The following CHD3 variants were observed in gnomAD, a reference collection of about 807,000 sequenced individuals.
CHD3 encodes chromodomain helicase DNA binding protein 3.
In CHD3, 52 loss-of-function variants were observed where a neutral mutation model predicts 248.9. The ratio of observed to expected loss-of-function variants is 0.21; its 90% CI spans 0.17 to 0.26. The LOEUF (loss-of-function observed/expected upper bound fraction) is 0.26. Among genes scored for constraint, CHD3 ranks in the 10% least tolerant of loss-of-function variants. The probability of loss-of-function intolerance (pLI) is 1.00; values close to 1 mark genes in which losing one functional copy is unlikely to be tolerated. For synonymous variants in CHD3, 985 were observed against 985.2 expected (o/e 1.00, Z 0.00); for missense variants, 1,482 against 2,605.8 (o/e 0.57, Z 9.39).
chr17:7,904,982 C>A lies in CHD3; in HGVS notation c.4073-118C>A. On this transcript the variant is annotated intron_variant, in intron 25 of 39. Transcript: ENST00000330494. This position sits in a 1 kb window ranked among gnomAD's most constrained non-coding sequence, Gnocchi z 4.4. The stretch of plus-strand genomic sequence containing the variant: ...CAGTGATCTGGTGTTCCCAGAAGGA[C>A]CAAGGCCAGAATAAAGGTAGACAAG... The A allele has an allele frequency of 1.1e-6, 1 of 947,384 alleles. No homozygotes were observed. Among genetic ancestry groups the A allele is most frequent in the South Asian group, 1.4e-5 (1 of 72,768 alleles). 58.7% of individuals were successfully genotyped at this position (947,384 alleles called of 1,614,324 possible). A position where few individuals can be genotyped will look rare whatever the true frequency, so the allele number is the denominator to read the frequency against.
chr17:7,906,465 G>T lies in CHD3; in HGVS notation c.4359-88G>T, dbSNP rs929879145. On this transcript the variant is annotated intron_variant, in intron 28 of 39. Coordinates refer to ENST00000330494, the MANE Select transcript of CHD3 (RefSeq NM_001005273.3). The surrounding 1 kb of genome is among the most constrained non-coding windows in gnomAD (Gnocchi z 5.0). ...AGCACCTGGGGATTTGGGGGTTTGG[G>T]GGTCCTCAGTCATCCTCGCGCCTCC... The T allele has an allele frequency of 2.8e-6, 4 of 1,423,088 alleles. No individual in the cohort carries two copies. The highest frequency in any genetic ancestry group is 2.9e-6 in the Non-Finnish European group (3 of 1,025,164). The allele number at this position is 1,423,088 out of a possible 1,614,324, so 88.2% of individuals were successfully genotyped here.
At position 7,900,234 on chromosome 17, in the gene CHD3, C is replaced by T. The variant is rs7224399; in HGVS notation, c.2683-56C>T. On this transcript the variant is annotated intron_variant, in intron 16 of 39. Transcript: ENST00000330494. This position sits in a 1 kb window ranked among gnomAD's most constrained non-coding sequence, Gnocchi z 6.5. ...GCAGGGAAAGGCTGATGCTGTGGGT[C>T]GGTCACTTGTCACTAATAAGCCCAT... The T allele has an allele frequency of 0.048, 77,405 of 1,608,074 alleles. 2,149 individuals are homozygous for T. Among genetic ancestry groups the T allele is most frequent in the Non-Finnish European group, 0.057 (67,638 of 1,176,526 alleles).
upstream of CHD3, chr17:7,888,771 G>A: frequency 1.4e-6 from 2 of 1,384,076 alleles, no homozygotes; most frequent in South Asian, 1.6e-5. Flanking sequence ...CATATGCTGG[G>A]TGTGTCTGTC....
Position 7,903,543 on chromosome 17 carries a change from G to A in CHD3, c.3727+40G>A. 1 of 1,520,604 alleles carries A rather than the reference G, an allele frequency of 6.6e-7. No individual in the cohort carries two copies. The highest frequency in any genetic ancestry group is 9.0e-7 in the Non-Finnish European group (1 of 1,108,758). 94.2% of individuals were successfully genotyped at this position (1,520,604 alleles called of 1,614,324 possible). The stretch of plus-strand genomic sequence containing the variant: ...TGCAGCTCTGTGAAAGCAGGCCCCT[G>A]CTCTCTCAGGAGTACTTATCAGCCC... On this transcript the variant is annotated intron_variant, in intron 23 of 39. Coordinates refer to ENST00000330494, the MANE Select transcript of CHD3 (RefSeq NM_001005273.3). The surrounding 1 kb of genome is among the most constrained non-coding windows in gnomAD (Gnocchi z 6.8).
rs1479069929 is a variant in CHD3 at position 7,900,196 on chromosome 17, A to G, written c.2683-94A>G. The G allele has an allele frequency of 1.3e-6, 2 of 1,543,004 alleles. No homozygotes were observed. The highest frequency in any genetic ancestry group is 1.7e-6 in the Non-Finnish European group (2 of 1,150,388). ...ATTTGGGGCCTCTGATCCTGAGTGA[A>G]ATGGGAGCTGGGGCAGGGAAAGGCT... On this transcript the variant is annotated intron_variant, in intron 16 of 39. Transcript: ENST00000330494. The surrounding 1 kb of genome is among the most constrained non-coding windows in gnomAD (Gnocchi z 6.5).
rs1229779886 is a variant in CHD3 at position 7,910,813 on chromosome 17, A to G, written c.5755-34A>G. The G allele has an allele frequency of 1.9e-6, 3 of 1,582,760 alleles. No homozygotes were observed. The highest frequency in any genetic ancestry group is 2.7e-5 in the African/African-American group (2 of 72,814). On this transcript the variant is annotated intron_variant, in intron 38 of 39. Transcript: ENST00000330494. This position sits in a 1 kb window ranked among gnomAD's most constrained non-coding sequence, Gnocchi z 4.7. The stretch of plus-strand genomic sequence containing the variant: ...GCTTCTTTCCTCTCACAGACTATGA[A>G]CTAACTCCAACTTCTGCTTCCTCTC...
In CHD3 at chr17:7,908,460, T is replaced by C; in HGVS notation, c.5211T>C (p.Asn1737=). 1 of 1,613,832 alleles carries C rather than the reference T, an allele frequency of 6.2e-7. No homozygotes were observed. The highest frequency in any genetic ancestry group is 8.5e-7 in the Non-Finnish European group (1 of 1,179,832). The change falls in exon 35 of 40, where the codon AAT becomes AAC. Residue 1737 remains asparagine (N), a synonymous_variant. Coordinates refer to ENST00000330494, the MANE Select transcript of CHD3 (RefSeq NM_001005273.3). The surrounding 1 kb of genome is among the most constrained non-coding windows in gnomAD (Gnocchi z 5.8). ...ERAAISSGKL[N]EIWHRRHDYW... is the part of the protein sequence containing the mutation. ...CAGCTATTTCCTCGGGGAAACTCAA[T>C]GAGATCTGGCACAGAAGACATGACT... is the stretch of plus-strand genomic sequence containing the variant.
At position 7,906,742 on chromosome 17, in the gene CHD3, T is replaced by C. The variant is rs536773765; in HGVS notation, c.4503+45T>C. ...CCAAAGAATCAAGCTGGCTGCCTAGTCTCTGTCCTTCCTCTGCCTCTGTCC... is the reference window on the plus strand; with the variant it reads ...CCAAAGAATCAAGCTGGCTGCCTAGCCTCTGTCCTTCCTCTGCCTCTGTCC... On this transcript the variant is annotated intron_variant, in intron 29 of 39. Coordinates refer to ENST00000330494, the MANE Select transcript of CHD3 (RefSeq NM_001005273.3). The surrounding 1 kb of genome is among the most constrained non-coding windows in gnomAD (Gnocchi z 5.0). 2 of 1,584,886 alleles carry C rather than the reference T, an allele frequency of 1.3e-6. No homozygotes were observed. The highest frequency in any genetic ancestry group is 2.2e-5 in the East Asian group (1 of 44,604).
In CHD3 at chr17:7,907,061, C is replaced by T; in HGVS notation, c.4666+30C>T. 1 of 1,613,798 alleles carries T rather than the reference C, an allele frequency of 6.2e-7. No homozygotes were observed. The highest frequency in any genetic ancestry group is 8.5e-7 in the Non-Finnish European group (1 of 1,179,798). The stretch of plus-strand genomic sequence containing the variant: ...TCAGAAGTCAGGATGGTGGGAGAGA[C>T]AGAAAGGGAGCCAGGAGTCAGGGCG... On this transcript the variant is annotated intron_variant, in intron 30 of 39. Coordinates refer to ENST00000330494, the MANE Select transcript of CHD3 (RefSeq NM_001005273.3). The surrounding 1 kb of genome is among the most constrained non-coding windows in gnomAD (Gnocchi z 4.3).
Position 7,903,119 on chromosome 17 carries a change from GA to G in CHD3, c.3495+59del. 1.3e-6 allele frequency: 2 copies of G among 1,593,218 alleles called. No individual in the cohort carries two copies. On this transcript the variant is annotated intron_variant, in intron 22 of 39. Transcript: ENST00000330494. This position sits in a 1 kb window ranked among gnomAD's most constrained non-coding sequence, Gnocchi z 6.8. ...TTTAGCAAGGAGATGTGGGTTCATG[GA>G]GGAGGGTGTCATGTTCCGGGGTCAG...
Position 7,910,974 on chromosome 17 carries a change from GTCAGCTGGTGTTT to G in CHD3, c.5881+4_5881+16del, listed in dbSNP as rs775007526. The G allele has an allele frequency of 1.2e-6, 2 of 1,611,918 alleles. No individual in the cohort carries two copies. The highest frequency in any genetic ancestry group is 1.7e-6 in the Non-Finnish European group (2 of 1,179,312). ...ATGCCTGCAGGGTCCTTCATCACAG[GTCAGCTGGTGTTT>G]TCCTACCCCCTGCTACTCACACTCC... is the stretch of plus-strand genomic sequence containing the variant. On this transcript the variant is annotated splice_donor_variant and splice_donor_5th_base_variant and intron_variant, in intron 39 of 39. Coordinates refer to ENST00000330494, the MANE Select transcript of CHD3 (RefSeq NM_001005273.3). LOFTEE classifies it high-confidence loss of function. The surrounding 1 kb of genome is among the most constrained non-coding windows in gnomAD (Gnocchi z 4.7).
rs1337283487 is a variant in CHD3, at chr17:7,889,390, A to G, written c.101-274A>G. Among the ~76,000 whole-genome samples, 3 of 152,240 alleles carry G rather than the reference A, an allele frequency of 2.0e-5. No individual in the cohort carries two copies. The highest frequency in any genetic ancestry group is 4.4e-5 in the Non-Finnish European group (3 of 68,026). ...AAAGGACCTGCCACAGTCAGAGCCC[A>G]TGGCCTGGAGCCTGGTCTCTTGTTA... is the stretch of plus-strand genomic sequence containing the variant. On this transcript the variant is annotated intron_variant, in intron 1 of 39. Coordinates refer to ENST00000330494, the MANE Select transcript of CHD3 (RefSeq NM_001005273.3). The surrounding 1 kb of genome is among the most constrained non-coding windows in gnomAD (Gnocchi z 4.5).
Position 7,903,670 on chromosome 17 carries a change from G to A in CHD3, c.3728-155G>A, listed in dbSNP as rs1970567893. Among the ~76,000 whole-genome samples the A allele has an allele frequency of 6.6e-6, 1 of 152,082 alleles. No homozygotes were observed. The highest frequency in any genetic ancestry group is 2.4e-5 in the African/African-American group (1 of 41,396). On this transcript the variant is annotated intron_variant, in intron 23 of 39. Coordinates refer to ENST00000330494, the MANE Select transcript of CHD3 (RefSeq NM_001005273.3). The surrounding 1 kb of genome is among the most constrained non-coding windows in gnomAD (Gnocchi z 6.8). ...GGTTGGCCTCTTTCTTTGCCTGTAG[G>A]GTTAAAACAAACAAAACAAAAACCT... is the stretch of plus-strand genomic sequence containing the variant.
In CHD3 at chr17:7,895,374, A is replaced by G. The variant is rs1443984412; in HGVS notation, c.1539A>G (p.Leu513=). The part of the protein sequence containing the change: ...PVLKGRVQKI[L]HWRWGEPPVA... Reference sequence around the variant, plus strand: ...TGAAGGGTCGAGTGCAGAAGATCCTACATTGGCGGTGGGGGGAGCCACCTG... The same window carrying G: ...TGAAGGGTCGAGTGCAGAAGATCCTGCATTGGCGGTGGGGGGAGCCACCTG... Residue 513 remains leucine, a synonymous_variant, in exon 10 of 40, where the codon CTA becomes CTG. Coordinates refer to ENST00000330494, the MANE Select transcript of CHD3 (RefSeq NM_001005273.3). The surrounding 1 kb of genome is among the most constrained non-coding windows in gnomAD (Gnocchi z 4.9). 6.2e-7 allele frequency: 1 copy of G among 1,614,116 alleles called. No homozygotes were observed. The highest frequency in any genetic ancestry group is 1.7e-5 in the Admixed American group (1 of 60,020).
In CHD3 at chr17:7,903,204, C is replaced by A; in HGVS notation, c.3496-68C>A. 2 of 1,578,448 alleles carry A rather than the reference C, an allele frequency of 1.3e-6. No individual in the cohort carries two copies. Among genetic ancestry groups the A allele is most frequent in the Non-Finnish European group, 1.7e-6 (2 of 1,152,166 alleles). ...TCTTCAGCAGCCTTCTTTCCTGAGG[C>A]AGCTCTATGGGCAGCTTCTCCCCGG... On this transcript the variant is annotated intron_variant, in intron 22 of 39. Transcript: ENST00000330494. The surrounding 1 kb of genome is among the most constrained non-coding windows in gnomAD (Gnocchi z 6.8).
In CHD3 at chr17:7,894,452, T is replaced by A. The variant is rs1385479281; in HGVS notation, c.1113T>A (p.Val371=). The A allele has an allele frequency of 6.2e-7, 1 of 1,614,042 alleles. No individual in the cohort carries two copies. The highest frequency in any genetic ancestry group is 1.3e-5 in the African/African-American group (1 of 75,010). ...GCPAVAGEEE[V]DGYETDHQDY... is the part of the protein sequence containing the mutation. ...CTGCAGTGGCCGGGGAGGAGGAGGT[T>A]GATGGCTACGAGACGGATCACCAGG... The change falls in exon 8 of 40, where the codon GTT becomes GTA. Residue 371 remains valine (V), a synonymous_variant. Transcript: ENST00000330494.
rs1240887562 is a variant in CHD3 at position 7,910,816 on chromosome 17, AACTC to A, written c.5755-30_5755-27del. The stretch of plus-strand genomic sequence containing the variant: ...TCTTTCCTCTCACAGACTATGAACT[AACTC>A]CAACTTCTGCTTCCTCTCTGTTCCA... On this transcript the variant is annotated intron_variant, in intron 38 of 39. Coordinates refer to ENST00000330494, the MANE Select transcript of CHD3 (RefSeq NM_001005273.3). This position sits in a 1 kb window ranked among gnomAD's most constrained non-coding sequence, Gnocchi z 4.7. The A allele has an allele frequency of 6.3e-7, 1 of 1,583,506 alleles. No homozygotes were observed. The highest frequency in any genetic ancestry group is 8.6e-7 in the Non-Finnish European group (1 of 1,168,702).
intron 13 of CHD3, 119 bp from the exon 14 acceptor site, chr17:7,898,892 C>A: frequency 1.1e-6 from 1 of 925,016 alleles, no homozygotes; most frequent in Non-Finnish European, 1.7e-6. Flanking sequence ...CTTTTGTAAA[C>A]TCAGGCCATA....
At position 7,909,585 on chromosome 17, in the gene CHD3, C is replaced by T. The variant is rs2048066909; in HGVS notation, c.5590+247C>T. 1.8e-6 allele frequency: 1 copy of T among 560,486 alleles called. No individual in the cohort carries two copies. The highest frequency in any genetic ancestry group is 3.1e-6 in the Non-Finnish European group (1 of 321,844). The allele number at this position is 560,486 out of a possible 1,614,324, so 34.7% of individuals were successfully genotyped here. ...TGCCCAATAGAGGGACCTGCCCCAG[C>T]CTCTGTGTCCCCTCCACACAGTGGG... On this transcript the variant is annotated intron_variant, in intron 37 of 39. Transcript: ENST00000330494. This position sits in a 1 kb window ranked among gnomAD's most constrained non-coding sequence, Gnocchi z 8.1.
Sources: gnomAD v4.1 joint callset for allele counts (sites outside exome capture counted in the v4.1 genomes callset) on GRCh38, gnomAD v4.1.1 for gene constraint, Gnocchi (gnomAD v3.1) non-coding constraint, MANE v1.5 for transcripts, NCBI Gene and HGNC (gene_info 2026-07-23, HGNC 2026-07-21) for gene names.